The following ENOX2 variants were observed in gnomAD, a reference collection of about 807,000 sequenced individuals.
The protein encoded by ENOX2 is APK1 antigen.
In ENOX2, 36 loss-of-function variants were observed where a neutral mutation model predicts 45.0. The ratio of observed to expected loss-of-function variants is 0.80; its 90% CI spans 0.61 to 1.06. The LOEUF is 1.06. ENOX2 is among the 50% of genes least tolerant of loss of function. The probability of loss-of-function intolerance (pLI) is 0.00; values close to 1 mark genes in which losing one functional copy is unlikely to be tolerated. For missense variants in ENOX2, 423 were observed against 462.5 expected, an observed-to-expected ratio of 0.91 and a Z score of 0.78; for synonymous variants, 174 against 152.3, an observed-to-expected ratio of 1.14 and a Z score of -1.05.
intron 3 of ENOX2, among the ~76,000 whole-genome samples, chrX:130,764,047 G>A (rs911921537): frequency 2.7e-5 from 3 of 110,810 alleles, no homozygotes; most frequent in African/African-American, 6.6e-5. Context: ...CTCCAAGTAC[G>A]AGATATATGA....
chrX:130,776,449 A>C (rs1294062243), intron 3 of ENOX2, among the ~76,000 whole-genome samples: 2 of 109,988 alleles, frequency 1.8e-5, no homozygotes, highest in Admixed American at 9.7e-5. Flanking sequence ...AGTTCTTATG[A>C]AATCTGGTTG....
intron 3 of ENOX2, among the ~76,000 whole-genome samples, chrX:130,773,208 TC>T (rs2039779991): frequency 8.9e-6 from 1 of 111,848 alleles, no homozygotes; most frequent in Non-Finnish European, 1.9e-5. Context: ...TCTCACTGAA[TC>T]CTAAAACAAC....
At chrX:130,726,428 A>G (rs758739146) in intron 3 of ENOX2, among the ~76,000 whole-genome samples, 1 of 112,500 alleles carries the variant, frequency 8.9e-6, no homozygotes, top group South Asian at 3.7e-4. Flanking sequence ...AGGCTTCTTC[A>G]ATTTTCACGC....
intron 2 of ENOX2, among the ~76,000 whole-genome samples, chrX:130,870,902 G>C (rs2078571777): frequency 9.9e-6 from 1 of 101,308 alleles, no homozygotes; most frequent in Non-Finnish European, 2.0e-5. Flanking sequence ...GGGAGGGAGG[G>C]AGGGAGAGAG....
rs958741313 is a variant in ENOX2, at chrX:130,645,762, C to T, written c.1130-8352G>A. The stretch of plus-strand genomic sequence containing the variant: ...AGCCATGGTGTGGCGCCGGCTTCTG[C>T]GGAAGAGGTGGGTTCTCGTCCTGGT... On this transcript the variant is annotated intron_variant, in intron 10 of 14. Coordinates refer to ENST00000394363, the MANE Select transcript of ENOX2 (RefSeq NM_006375.4). 18 of 826,409 alleles carry T rather than the reference C, an allele frequency of 2.2e-5. No individual in the cohort carries two copies. In the African/African-American group the frequency reaches 2.4e-4, roughly 11 times the overall value. 68.1% of individuals were successfully genotyped at this position (826,409 alleles called of 1,213,427 possible).
At chrX:130,771,832 C>T (rs2148373854) in intron 3 of ENOX2, among the ~76,000 whole-genome samples, 1 of 112,270 alleles carries the variant, frequency 8.9e-6, no homozygotes, top group South Asian at 3.7e-4. Flanking sequence ...AGCCTACTGG[C>T]TGTCTCATCT....
chrX:130,882,453 T>G (rs1436711559), intron 2 of ENOX2, among the ~76,000 whole-genome samples: 1 of 108,998 alleles, frequency 9.2e-6, no homozygotes, highest in Non-Finnish European at 1.9e-5. Flanking sequence ...CGGGAGAGAG[T>G]AGACACAGAG....
chrX:130,854,564 G>C (rs1423208037), intron 2 of ENOX2, among the ~76,000 whole-genome samples: 3 of 110,707 alleles, frequency 2.7e-5, no homozygotes, highest in Non-Finnish European at 5.7e-5. Flanking sequence ...ACCCCAAATA[G>C]GACACACACA....
At chrX:130,692,144 T>A (rs1362013110) in intron 4 of ENOX2, among the ~76,000 whole-genome samples, 1 of 113,196 alleles carries the variant, frequency 8.8e-6, no homozygotes, top group Non-Finnish European at 1.9e-5. Context: ...TTTCTTTTGT[T>A]TATCTTTAAC....
intron 2 of ENOX2, among the ~76,000 whole-genome samples, chrX:130,847,865 TC>T (rs1419477897): frequency 5.4e-5 from 6 of 111,889 alleles, no homozygotes. Flanking sequence ...AGATCAGCTT[TC>T]AGTCTAATAA....
intron 2 of ENOX2, among the ~76,000 whole-genome samples, chrX:130,791,686 G>A (rs762766504): frequency 3.6e-5 from 4 of 111,786 alleles, no homozygotes; most frequent in Non-Finnish European, 7.5e-5. Context: ...TGCTGGAGTT[G>A]TCATGAAAGG....
At chrX:130,832,967 T>C (rs1228457931) in intron 2 of ENOX2, among the ~76,000 whole-genome samples, 1 of 108,017 alleles carries the variant, frequency 9.3e-6, no homozygotes, top group African/African-American at 3.4e-5. Flanking sequence ...GAAAGACACA[T>C]ATGTTTTAAT....
At chrX:130,805,708 C>T (rs35219477) in intron 2 of ENOX2, among the ~76,000 whole-genome samples, 1,878 of 111,344 alleles carry the variant, frequency 0.017, 40 homozygotes, top group Admixed American at 0.076. Context: ...GGTATCAACT[C>T]GATCTCTTTC....
intron 2 of ENOX2, among the ~76,000 whole-genome samples, chrX:130,797,376 C>T (rs772008322): frequency 2.4e-4 from 27 of 111,988 alleles, no homozygotes; most frequent in Non-Finnish European, 4.1e-4. Flanking sequence ...GAATGGGTCT[C>T]AATGCCAAGG....
intron 9 of ENOX2, among the ~76,000 whole-genome samples, chrX:130,663,003 TG>T (rs1305893021): frequency 8.9e-6 from 1 of 112,106 alleles, no homozygotes; most frequent in Non-Finnish European, 1.9e-5. Flanking sequence ...GTTACAATAT[TG>T]GGCAATAGGG....
chrX:130,713,870 G>A (rs1173153379), intron 3 of ENOX2, among the ~76,000 whole-genome samples: 1 of 110,942 alleles, frequency 9.0e-6, no homozygotes, highest in African/African-American at 3.3e-5. Flanking sequence ...GTAGTTACTG[G>A]TGTTCAACTA....
intron 3 of ENOX2, among the ~76,000 whole-genome samples, chrX:130,748,185 T>G (rs1295696468): frequency 8.9e-6 from 1 of 112,111 alleles, no homozygotes; most frequent in Non-Finnish European, 1.9e-5. Flanking sequence ...GTCACTTCAT[T>G]TTGAGTTAAT....
chrX:130,888,937 T>C (rs946407453), intron 2 of ENOX2, among the ~76,000 whole-genome samples: 2 of 111,851 alleles, frequency 1.8e-5, no homozygotes, highest in African/African-American at 6.5e-5. Context: ...TACTAGATAA[T>C]GAGCATCTCC....
intron 3 of ENOX2, among the ~76,000 whole-genome samples, chrX:130,709,955 C>T (rs747725600): frequency 3.6e-5 from 4 of 109,663 alleles, no homozygotes; most frequent in Non-Finnish European, 5.7e-5. Context: ...GTGATGTTCC[C>T]CTCCCTGTGT....
Sources: allele counts gnomAD v4.1 joint callset (sites outside exome capture counted in the v4.1 genomes callset), GRCh38; gene constraint gnomAD v4.1.1; transcripts MANE v1.5; gene names NCBI Gene and HGNC (gene_info 2026-07-23, HGNC 2026-07-21).